ERICH1: variants seen among roughly 807,000 people sequenced by gnomAD.
ERICH1 encodes the protein glutamate-rich protein 1.
A neutral mutation model predicts 39.6 loss-of-function variants in ERICH1; 56 were observed. The ratio of observed to expected loss-of-function variants is 1.41; its 90% CI spans 1.14 to 1.77. The LOEUF is 1.77. Ranked by LOEUF, ERICH1 falls within the 40% of genes most tolerant of loss-of-function variation. The pLI, the probability that ERICH1 is intolerant of heterozygous loss-of-function variation, is 0.00. For synonymous variants in ERICH1, 313 were observed against 223.6 expected (o/e 1.40, Z -3.57); for missense variants, 826 against 575.4 (o/e 1.44, Z -4.45).
intron 4 of ERICH1, among the ~76,000 whole-genome samples, chr8:670,515 G>A (rs1803057912): frequency 6.6e-6 from 1 of 152,192 alleles, no homozygotes; most frequent in African/African-American, 2.4e-5. Context: ...CAGGGACTGA[G>A]CTGACTCCAG....
chr8:699,139 T>G (rs917132348), intron 2 of ERICH1, among the ~76,000 whole-genome samples: 1 of 151,954 alleles, frequency 6.6e-6, no homozygotes, highest in African/African-American at 2.4e-5. Flanking sequence ...ACCCACTAAA[T>G]ATCAGCTCAG....
chr8:643,978 G>T (rs951666100), intron 3 of ERICH1, among the ~76,000 whole-genome samples: 3 of 152,212 alleles, frequency 2.0e-5, no homozygotes, highest in Admixed American at 2.0e-4. Flanking sequence ...TGGGCCTGAC[G>T]GGGCGGGGGC....
chr8:656,310 T>G (rs890920515), intron 3 of ERICH1, among the ~76,000 whole-genome samples: 2 of 152,224 alleles, frequency 1.3e-5, no homozygotes, highest in African/African-American at 4.8e-5. Flanking sequence ...GCAAGTCACC[T>G]GTGGGGTAAG....
chr8:618,355 G>A (rs778960203), intron 3 of ERICH1, among the ~76,000 whole-genome samples: 5 of 151,312 alleles, frequency 3.3e-5, no homozygotes, highest in African/African-American at 7.3e-5. Flanking sequence ...TTGAGTGCTC[G>A]TACTTGGTCT....
Position 673,991 on chromosome 8 carries a change from T to C in ERICH1, c.361A>G (p.Lys121Glu), listed in dbSNP as rs778339168. ...RRRIRKHKSKKKFKNPNNVLI... is the reference protein window; with the variant it reads ...RRRIRKHKSKEKFKNPNNVLI... ...ACATTATTGGGATTTTTAAATTTTT[T>C]CTTTGATTTATGCTTCCTAATTCTT... is the stretch of plus-strand genomic sequence containing the variant. Residue 121 changes from lysine (K) to glutamate (E), a missense_variant, in exon 4 of 6, where the codon AAA becomes GAA. Physicochemically the swap from Lys to Glu is moderately conservative, Grantham distance 56 (BLOSUM62 1). Transcript: ENST00000262109. 6.3e-7 allele frequency: 1 copy of C among 1,587,100 alleles called. No individual in the cohort carries two copies. Among genetic ancestry groups the C allele is most frequent in the Non-Finnish European group, 8.5e-7 (1 of 1,174,794 alleles).
At chr8:624,459 C>G (rs547402663) in intron 3 of ERICH1, among the ~76,000 whole-genome samples, 9 of 152,222 alleles carry the variant, frequency 5.9e-5, no homozygotes, top group Non-Finnish European at 1.0e-4. Context: ...AAAGCTTGTA[C>G]GTGATTGCTC....
intron 1 of ERICH1, among the ~76,000 whole-genome samples, chr8:718,113 C>G (rs1816445651): frequency 1.3e-5 from 2 of 151,296 alleles, no homozygotes; most frequent in Non-Finnish European, 2.9e-5. Context: ...TTGGAGTGCA[C>G]TGACAAACTG....
Position 678,581 on chromosome 8 carries a change from G to A in ERICH1, c.305-4534C>T, listed in dbSNP as rs533190339. 2.6e-5 allele frequency among the ~76,000 whole-genome samples: 4 copies of A among 152,260 alleles called. No homozygotes were observed. The South Asian group carries it at 8.3e-4, about 32-fold the overall frequency. On this transcript the variant is annotated intron_variant, in intron 3 of 5. Coordinates refer to ENST00000262109, the MANE Select transcript of ERICH1 (RefSeq NM_207332.3). ...AGAAAAAGTCTTGGGAGGCCGAGGC[G>A]GGCGGATCACGAGGTCAGGAGATTG...
chr8:616,268 G>C (rs142673692), intron 3 of ERICH1: 14 of 301,548 alleles, frequency 4.6e-5, no homozygotes, highest in Non-Finnish European at 7.3e-5. Flanking sequence ...ACAGATCTTT[G>C]TAACGTTGCA....
chr8:683,499 G>C (rs952038758), intron 3 of ERICH1, among the ~76,000 whole-genome samples: 7 of 152,060 alleles, frequency 4.6e-5, no homozygotes, highest in African/African-American at 1.7e-4. Flanking sequence ...TTAAAAAAAT[G>C]GATTCTCGCT....
chr8:725,408 C>A (rs1375611825), intron 1 of ERICH1: 1 of 153,056 alleles, frequency 6.5e-6, no homozygotes, highest in South Asian at 2.0e-4. Context: ...GCCACCTGAG[C>A]ATTAGTAGAG....
intron 3 of ERICH1, among the ~76,000 whole-genome samples, chr8:689,069 G>A (rs1808324830): frequency 6.6e-6 from 1 of 152,206 alleles, no homozygotes; most frequent in African/African-American, 2.4e-5. Context: ...TATTTTCCCA[G>A]AGAGGTACAC....
chr8:672,350 A>G (rs1446298392), intron 4 of ERICH1: 1 of 152,246 alleles, frequency 6.6e-6, no homozygotes, highest in African/African-American at 2.4e-5. Flanking sequence ...GAAACACGCT[A>G]AAGAGGAAGA....
intron 3 of ERICH1, among the ~76,000 whole-genome samples, chr8:658,269 C>T (rs1800925581): frequency 1.3e-5 from 2 of 152,092 alleles, no homozygotes; most frequent in South Asian, 4.1e-4. Context: ...CCCCAGGTGA[C>T]TGGGGAGAGA....
rs200026016 is a variant in ERICH1 at position 630,515 on chromosome 8, C to A, written c.977-15231G>T. Among the ~76,000 whole-genome samples, 6 of 117,614 alleles carry A rather than the reference C, an allele frequency of 5.1e-5. No homozygotes were observed. The East Asian group carries it at 1.1e-3, about 22-fold the overall frequency. 77.2% of individuals were successfully genotyped at this position (117,614 alleles called of 152,430 possible). On this transcript the variant is annotated intron_variant, in intron 3 of 3. Transcript: ENST00000522706. ...CCTGTGACCACCCACACAGACAGAG[C>A]TGACTCACACCCTCCCGTGAGCACC...
intron 3 of ERICH1, among the ~76,000 whole-genome samples, chr8:643,111 G>T (rs1234765468): frequency 2.0e-5 from 3 of 151,974 alleles, no homozygotes; most frequent in Non-Finnish European, 4.4e-5. Flanking sequence ...AGGTCCAGGG[G>T]AAGGCGCCCT....
chr8:634,183 A>AACAAACAAACAAAAAACAAAC (rs1554481906), intron 3 of ERICH1, among the ~76,000 whole-genome samples: 7,195 of 135,672 alleles, frequency 0.053, 224 homozygotes, highest in Admixed American at 0.064. Flanking sequence ...AAAAAAAAAA[A>AACAAACAAACAAAAAACAAAC]AAACAAACAA....
intron 3 of ERICH1, among the ~76,000 whole-genome samples, chr8:675,122 G>C (rs1669734): frequency 0.79 from 44,765 of 56,952 alleles, 17,648 homozygotes; most frequent in East Asian, 0.84. Context: ...AGACGTGGCG[G>C]CCCCTCGGCG....
At chr8:729,633 T>G (rs1047650047) in intron 1 of ERICH1, among the ~76,000 whole-genome samples, 1 of 152,216 alleles carries the variant, frequency 6.6e-6, no homozygotes, top group Non-Finnish European at 1.5e-5. Flanking sequence ...CTACATTTTA[T>G]AAACTTTTGG....
Sources: gnomAD v4.1 joint callset for allele counts (sites outside exome capture counted in the v4.1 genomes callset) on GRCh38, gnomAD v4.1.1 for gene constraint, MANE v1.5 for transcripts, NCBI Gene and HGNC (gene_info 2026-07-23, HGNC 2026-07-21) for gene names.